The following CLIC4 variants were observed in gnomAD, a reference collection of about 807,000 sequenced individuals.
CLIC4 encodes the protein CLIC family member 4, also known as chloride intracellular channel protein 4.
Under a neutral mutation model 24.6 loss-of-function variants are expected in CLIC4, and 13 were observed. The ratio of observed to expected loss-of-function variants is 0.53; its 90% CI spans 0.34 to 0.84. The LOEUF (loss-of-function observed/expected upper bound fraction) is 0.84, where lower values mean the gene tolerates loss of function less well. Among genes scored for constraint, CLIC4 ranks in the 40% least tolerant of loss-of-function variants. The probability of loss-of-function intolerance (pLI) is 0.01; values close to 1 mark genes in which losing one functional copy is unlikely to be tolerated. For synonymous variants in CLIC4, 104 were observed against 111.3 expected (o/e 0.93, Z 0.41); for missense variants, 227 against 301.7 (o/e 0.75, Z 1.83).
chr1:24,809,544 C>T (rs995148005), intron 2 of CLIC4, among the ~76,000 whole-genome samples: 1 of 152,136 alleles, frequency 6.6e-6, no homozygotes, highest in Non-Finnish European at 1.5e-5. Flanking sequence ...AATCTCAGCT[C>T]ACTGTAACCT....
chr1:24,759,925 C>G (rs1035477154), intron 1 of CLIC4, among the ~76,000 whole-genome samples: 26 of 151,832 alleles, frequency 1.7e-4, no homozygotes, highest in African/African-American at 5.8e-4. Context: ...CGTGTCACTG[C>G]CCTCCAGCCT....
intron 3 of CLIC4, among the ~76,000 whole-genome samples, chr1:24,815,137 G>A (rs1639655260): frequency 6.6e-6 from 1 of 152,182 alleles, no homozygotes; most frequent in Non-Finnish European, 1.5e-5. Context: ...GTAGTATACT[G>A]TAGTGTTTTA....
chr1:24,766,091 C>T (rs969976934), intron 1 of CLIC4, among the ~76,000 whole-genome samples: 39 of 151,668 alleles, frequency 2.6e-4, no homozygotes, highest in Non-Finnish European at 4.9e-4. Context: ...GCAGCAGCCT[C>T]CACCTCCCGA....
At chr1:24,822,341 C>CTTTTTTTTTTTTTTTTTTT (rs71032865) in intron 3 of CLIC4, among the ~76,000 whole-genome samples, 1 of 75,464 alleles carries the variant, frequency 1.3e-5, no homozygotes, top group Non-Finnish European at 2.6e-5. Context: ...TCAGTGAATT[C>CTTTTTTTTTTTTTTTTTTT]TTTTTTTTTT....
intron 1 of CLIC4, among the ~76,000 whole-genome samples, chr1:24,747,369 A>G (rs1419057892): frequency 6.6e-6 from 1 of 151,656 alleles, no homozygotes; most frequent in Non-Finnish European, 1.5e-5. Context: ...CCCCATCTCT[A>G]CTAAAAATAC....
rs369097549 is a variant in CLIC4 at position 24,814,208 on chromosome 1, A to G, written c.297A>G (p.Leu99=). Residue 99 remains leucine (L), a synonymous_variant, in exon 3 of 6, where the codon TTA becomes TTG. Transcript: ENST00000374379. ...TTGAGGAATTTCTTGAAGAAGTCTT[A>G]TGCCCTCCCAAGTGAGTATCAAGGA... ...NKIEEFLEEV[L]CPPKYLKLSP... The G allele has an allele frequency of 5.6e-6, 9 of 1,613,364 alleles. No homozygotes were observed. The highest frequency in any genetic ancestry group is 7.6e-6 in the Non-Finnish European group (9 of 1,179,800).
At chr1:24,771,839 A>G in intron 1 of CLIC4, 1 of 514,072 alleles carries the variant, frequency 1.9e-6, no homozygotes, top group South Asian at 1.4e-5. Context: ...CTGGAAGGCC[A>G]GGTTCAAGTC....
chr1:24,811,196 T>C (rs943655728), intron 2 of CLIC4, among the ~76,000 whole-genome samples: 1 of 151,950 alleles, frequency 6.6e-6, no homozygotes, highest in African/African-American at 2.4e-5. Flanking sequence ...AAACAAAAAA[T>C]AGTGAGAAGA....
chr1:24,775,911 C>A (rs565689877), intron 1 of CLIC4, among the ~76,000 whole-genome samples: 2 of 150,942 alleles, frequency 1.3e-5, no homozygotes, highest in Admixed American at 1.3e-4. Flanking sequence ...CTGGATATTA[C>A]AAATGATAAA....
In CLIC4 at chr1:24,767,384, A is replaced by G. The variant is rs139205697; in HGVS notation, c.72+21759A>G. On this transcript the variant is annotated intron_variant, in intron 1 of 5. Transcript: ENST00000374379. ...TTGCCTTTAGGAATGCAGAATTAAG[A>G]CCATGTTGGCTTGGCCTATGGTTAG... is the stretch of plus-strand genomic sequence containing the variant. 1.3e-3 allele frequency among the ~76,000 whole-genome samples: 204 copies of G among 152,296 alleles called. 1 individual carries two copies. The highest frequency in any genetic ancestry group is 4.1e-3 in the African/African-American group (169 of 41,556).
intron 1 of CLIC4, among the ~76,000 whole-genome samples, chr1:24,757,027 C>T (rs530307200): frequency 4.0e-4 from 61 of 152,288 alleles, no homozygotes; most frequent in African/African-American, 1.3e-3. Context: ...TCCCAAGTAG[C>T]TGAGATTACA....
At chr1:24,775,224 C>CTTTTTTTTTTTTTTTTTTTTTTTTTTTT in intron 1 of CLIC4, among the ~76,000 whole-genome samples, 1 of 90,664 alleles carries the variant, frequency 1.1e-5, no homozygotes, top group African/African-American at 4.4e-5. Context: ...TTCTTTCTTT[C>CTTTTTTTTTTTTTTTTTTTTTTTTTTTT]TTTTTTTTTT....
chr1:24,765,975 C>G (rs1158082326), intron 1 of CLIC4, among the ~76,000 whole-genome samples: 1 of 151,760 alleles, frequency 6.6e-6, no homozygotes, highest in Non-Finnish European at 1.5e-5. Flanking sequence ...TCATGCCCGG[C>G]TAATTTTTAA....
chr1:24,754,303 C>G (rs542988780), intron 1 of CLIC4, among the ~76,000 whole-genome samples: 2 of 152,228 alleles, frequency 1.3e-5, no homozygotes, highest in East Asian at 3.9e-4. Context: ...GGAGAAGAAC[C>G]TGGCTGTCAG....
Position 24,827,079 on chromosome 1 carries a change from T to C in CLIC4, c.378T>C (p.Ser126=), listed in dbSNP as rs1639793584. 1 of 1,610,476 alleles carries C rather than the reference T, an allele frequency of 6.2e-7. No homozygotes were observed. Among genetic ancestry groups the C allele is most frequent in the Admixed American group, 1.7e-5 (1 of 59,370 alleles). ...GAATGGACATCTTTGCCAAATTCTC[T>C]GCATATATCAAGAATTCAAGGCCAG... is the stretch of plus-strand genomic sequence containing the variant. ...TAGMDIFAKF[S]AYIKNSRPEA... The change falls in exon 4 of 6, where the codon TCT becomes TCC. Residue 126 remains serine (S), a synonymous_variant. Transcript: ENST00000374379.
In CLIC4 at chr1:24,839,983, A is replaced by G; in HGVS notation, c.539A>G (p.Asp180Gly). The G allele has an allele frequency of 6.2e-7, 1 of 1,614,120 alleles. No individual in the cohort carries two copies. The change falls in exon 5 of 6, where the codon GAT becomes GGT. Residue 180 changes from aspartate (D) to glycine (G), a missense_variant. Physicochemically the swap from Asp to Gly is moderately conservative, Grantham distance 94. Coordinates refer to ENST00000374379, the MANE Select transcript of CLIC4 (RefSeq NM_013943.3). Reference protein sequence around the residue: ...DIKFSTRKFLDGNEMTLADCN... With the variant: ...DIKFSTRKFLGGNEMTLADCN... ...AAGTTTTCTACACGTAAATTTCTGG[A>G]TGGCAATGAAATGACATTAGCTGAT...
At chr1:24,757,634 G>T (rs1638868355) in intron 1 of CLIC4, among the ~76,000 whole-genome samples, 1 of 152,100 alleles carries the variant, frequency 6.6e-6, no homozygotes, top group Non-Finnish European at 1.5e-5. Flanking sequence ...AACAGAAAAA[G>T]TGGTAGCTGT....
chr1:24,815,156 A>G (rs1423584678), intron 3 of CLIC4, among the ~76,000 whole-genome samples: 2 of 152,220 alleles, frequency 1.3e-5, no homozygotes, highest in Non-Finnish European at 2.9e-5. Context: ...TAAGTGTGCA[A>G]TAATAGCATT....
chr1:24,805,768 A>T (rs776786493), intron 2 of CLIC4, among the ~76,000 whole-genome samples: 5 of 152,234 alleles, frequency 3.3e-5, no homozygotes, highest in Non-Finnish European at 4.4e-5. Flanking sequence ...TCACCAGCCC[A>T]GCTTCCTCCA....
Sources: allele counts gnomAD v4.1 joint callset (sites outside exome capture counted in the v4.1 genomes callset), GRCh38; gene constraint gnomAD v4.1.1; transcripts MANE v1.5; gene names NCBI Gene and HGNC (gene_info 2026-07-23, HGNC 2026-07-21).